ADGRG7: variants seen among roughly 807,000 people sequenced by gnomAD.
The protein encoded by ADGRG7 is G-protein coupled receptor 128.
In ADGRG7, 82 loss-of-function variants were observed where a neutral mutation model predicts 88.6. The observed-to-expected ratio is 0.93, with a 90% confidence interval of 0.77 to 1.11. The LOEUF (loss-of-function observed/expected upper bound fraction) is 1.11. Among genes scored for constraint, ADGRG7 ranks in the 50% most tolerant of loss-of-function variants. The pLI is 0.00. For synonymous variants in ADGRG7, 381 were observed against 345.2 expected (o/e 1.10, Z -1.15); for missense variants, 945 against 953.4 (o/e 0.99, Z 0.12).
chr3:100,669,157 C>A (rs775210616), intron 15 of ADGRG7, 52 bp downstream of exon 15: 22 of 1,350,760 alleles, frequency 1.6e-5, no homozygotes, highest in Non-Finnish European at 2.1e-5. Flanking sequence ...GTGGAGATAT[C>A]ATCTTGATAT....
chr3:100,660,580 C>T (rs906101977), intron 14 of ADGRG7, among the ~76,000 whole-genome samples: 5 of 151,398 alleles, frequency 3.3e-5, no homozygotes, highest in Admixed American at 3.3e-4. Context: ...GCTGAGATTA[C>T]AGGCATGAGC....
chr3:100,652,634 AT>A (rs58233584), intron 11 of ADGRG7, among the ~76,000 whole-genome samples: 1,827 of 152,246 alleles, frequency 0.012, 34 homozygotes, highest in African/African-American at 0.041. Context: ...AGAATATCAC[AT>A]TTTACTTCTG....
intron 1 of ADGRG7, among the ~76,000 whole-genome samples, chr3:100,626,634 A>C (rs1314007953): frequency 2.6e-5 from 4 of 152,096 alleles, no homozygotes; most frequent in African/African-American, 4.8e-5. Context: ...CAAATACAAA[A>C]ATTAGCTGGG....
chr3:100,674,858 T>A (rs1444589260), intron 15 of ADGRG7, among the ~76,000 whole-genome samples: 3 of 152,232 alleles, frequency 2.0e-5, no homozygotes, highest in African/African-American at 7.2e-5. Flanking sequence ...ATTATAGGCG[T>A]GAGCCACTGT....
At chr3:100,632,571 G>A (rs1296733834) in intron 3 of ADGRG7, among the ~76,000 whole-genome samples, 1 of 152,050 alleles carries the variant, frequency 6.6e-6, no homozygotes, top group Non-Finnish European at 1.5e-5. Flanking sequence ...TGGTGTAGAG[G>A]TGAAGCCATC....
intron 4 of ADGRG7, among the ~76,000 whole-genome samples, 198 bp downstream of exon 4, chr3:100,633,575 A>G (rs992930224): frequency 1.3e-5 from 2 of 152,302 alleles, no homozygotes; most frequent in South Asian, 4.1e-4. Flanking sequence ...CCCAGGCTGC[A>G]GTGCAATGGC....
chr3:100,684,199 T>C (rs2094978313), intron 15 of ADGRG7, among the ~76,000 whole-genome samples: 1 of 151,954 alleles, frequency 6.6e-6, no homozygotes, highest in South Asian at 2.1e-4. Flanking sequence ...TATCTCTTTT[T>C]AGACCCTGCA....
chr3:100,643,157 G>T, intron 6 of ADGRG7, 109 bp from the exon 7 acceptor site: 2 of 981,156 alleles, frequency 2.0e-6, no homozygotes, highest in South Asian at 1.6e-5. Flanking sequence ...ATGTTGTCAT[G>T]ACCACACAAT....
In ADGRG7 at chr3:100,694,945, C is replaced by G; in HGVS notation, c.2338C>G (p.Pro780Ala). The G allele has an allele frequency of 6.2e-7, 1 of 1,614,172 alleles. No individual in the cohort carries two copies. The highest frequency in any genetic ancestry group is 8.5e-7 in the Non-Finnish European group (1 of 1,180,006). Residue 780 changes from proline to alanine, a missense_variant, in exon 16 of 16, where the codon CCG becomes GCG. Coordinates refer to ENST00000273352, the MANE Select transcript of ADGRG7 (RefSeq NM_032787.3). ...HERFRLLETSPSTEEITLSES... is the reference protein window; with the variant it reads ...HERFRLLETSASTEEITLSES... ...ACGCTTTAGGCTACTGGAAACCTCT[C>G]CGAGTACTGAGGAAATCACACTCTC...
intron 1 of ADGRG7, among the ~76,000 whole-genome samples, chr3:100,610,808 G>A (rs1246617873): frequency 6.6e-6 from 1 of 152,176 alleles, no homozygotes; most frequent in Non-Finnish European, 1.5e-5. Context: ...AAATAATGCC[G>A]ATCGGGAAAG....
At chr3:100,661,696 T>G (rs1453673270) in intron 14 of ADGRG7, among the ~76,000 whole-genome samples, 6 of 152,204 alleles carry the variant, frequency 3.9e-5, no homozygotes, top group African/African-American at 1.4e-4. Context: ...TATATTTACA[T>G]GAATTATACT....
At chr3:100,665,225 G>T (rs2094950246) in intron 14 of ADGRG7, 2 of 540,048 alleles carry the variant, frequency 3.7e-6, no homozygotes, top group Non-Finnish European at 7.6e-6. Flanking sequence ...AAAGCACGGA[G>T]GATATGGAAC....
intron 15 of ADGRG7, 110 bp downstream of exon 15, chr3:100,669,215 G>A (rs948584935): frequency 5.7e-5 from 46 of 809,676 alleles, no homozygotes; most frequent in Non-Finnish European, 7.0e-5. Flanking sequence ...GGCCAGGCGC[G>A]GTGGCTCACG....
chr3:100,646,724 G>T lies in ADGRG7; in HGVS notation c.1266G>T (p.Met422Ile). 1 of 1,613,542 alleles carries T rather than the reference G, an allele frequency of 6.2e-7. No individual in the cohort carries two copies. The highest frequency in any genetic ancestry group is 8.5e-7 in the Non-Finnish European group (1 of 1,179,622). The change falls in exon 10 of 16, where the codon ATG becomes ATT. Residue 422 changes from methionine (M) to isoleucine (I), a missense_variant and splice_region_variant. Coordinates refer to ENST00000273352, the MANE Select transcript of ADGRG7 (RefSeq NM_032787.3). ...ATACTACTAATTTTGCTGTATTAAT[G>T]GTAAGGATATACATAGCAATCTCTT... Reference protein sequence around the residue: ...CNHTTNFAVLMTFKKDYQYPK... With the variant: ...CNHTTNFAVLITFKKDYQYPK...
rs1175943434 is a variant in ADGRG7 at position 100,664,932 on chromosome 3, T to C, written c.1980-4017T>C. 9 of 330,204 alleles carry C rather than the reference T, an allele frequency of 2.7e-5. No homozygotes were observed. The Admixed American group carries it at 4.0e-4, about 15-fold the overall frequency. 20.5% of individuals were successfully genotyped at this position (330,204 alleles called of 1,614,324 possible). On this transcript the variant is annotated intron_variant, in intron 14 of 15. Coordinates refer to ENST00000273352, the MANE Select transcript of ADGRG7 (RefSeq NM_032787.3). The stretch of plus-strand genomic sequence containing the variant: ...ACTTTGCACAAATGAAGAATTTTTC[T>C]TTACTGCAGAAAACAAACTGTAAGT...
At chr3:100,675,582 C>G (rs937130030) in intron 15 of ADGRG7, among the ~76,000 whole-genome samples, 3 of 151,758 alleles carry the variant, frequency 2.0e-5, no homozygotes, top group African/African-American at 7.3e-5. Flanking sequence ...TTTTGATGTG[C>G]CTTTTTCTGG....
chr3:100,659,772 C>T lies in ADGRG7; in HGVS notation c.1908C>T (p.Leu636=). Residue 636 remains leucine, a synonymous_variant, in exon 14 of 16, where the codon CTC becomes CTT. Transcript: ENST00000273352. ...WSFIVPVTII[L]ISNVVMFITI... is the part of the protein sequence containing the mutation. ...TCATCGTACCTGTAACCATTATCCT[C>T]ATCAGCAATGTTGTTATGTTTATTA... is the stretch of plus-strand genomic sequence containing the variant. The T allele has an allele frequency of 6.2e-7, 1 of 1,613,976 alleles. No homozygotes were observed. Among genetic ancestry groups the T allele is most frequent in the Non-Finnish European group, 8.5e-7 (1 of 1,179,854 alleles).
intron 15 of ADGRG7, among the ~76,000 whole-genome samples, chr3:100,673,471 T>C (rs1453394399): frequency 6.6e-6 from 1 of 151,160 alleles, no homozygotes; most frequent in Non-Finnish European, 1.5e-5. Flanking sequence ...CTTCTTCTTT[T>C]TTTTTTTTTT....
intron 14 of ADGRG7, among the ~76,000 whole-genome samples, chr3:100,664,129 T>C (rs1390412583): frequency 3.9e-5 from 6 of 152,130 alleles, no homozygotes; most frequent in Non-Finnish European, 2.9e-5. Flanking sequence ...ATTTCAGATA[T>C]ACGCATTAGA....
Sources: allele counts gnomAD v4.1 joint callset (sites outside exome capture counted in the v4.1 genomes callset), GRCh38; gene constraint gnomAD v4.1.1; transcripts MANE v1.5; gene names NCBI Gene and HGNC (gene_info 2026-07-23, HGNC 2026-07-21).